LYZL2: variants seen among roughly 807,000 people sequenced by gnomAD.
The protein encoded by LYZL2 is lysozyme like 2, also known as lysozyme-like protein 2.
LYZL2 carries 13 observed loss-of-function variants against 17.1 expected under a neutral mutation model. That is an observed-to-expected ratio of 0.76 (90% CI 0.49 to 1.21). The LOEUF is 1.21. LYZL2 is among the 50% of genes most tolerant of loss of function. The probability of loss-of-function intolerance (pLI) is 0.00; values close to 1 mark genes in which losing one functional copy is unlikely to be tolerated. For synonymous variants in LYZL2, 63 were observed against 74.4 expected (o/e 0.85, Z 0.79); for missense variants, 166 against 189.2 (o/e 0.88, Z 0.72).
intron 3 of LYZL2, among the ~76,000 whole-genome samples, chr10:30,620,895 C>T (rs1399621571): frequency 6.6e-6 from 1 of 150,530 alleles, no homozygotes. Context: ...GACTTGAAGA[C>T]ATAATAATGG....
chr10:30,621,842 T>A (rs1838625325), intron 3 of LYZL2, among the ~76,000 whole-genome samples: 1 of 152,056 alleles, frequency 6.6e-6, no homozygotes, highest in Admixed American at 6.5e-5. Context: ...GAAATAATAA[T>A]GTGTAATAGA....
At chr10:30,616,923 GTAA>G (rs1838536862) in intron 3 of LYZL2, among the ~76,000 whole-genome samples, 1 of 57,582 alleles carries the variant, frequency 1.7e-5, no homozygotes, top group Admixed American at 1.5e-4. Context: ...AATTTTTCTA[GTAA>G]TTATTTACCT....
chr10:30,607,668 G>A (rs370385307), downstream of LYZL2, among the ~76,000 whole-genome samples: 119 of 152,188 alleles, frequency 7.8e-4, 1 homozygote, highest in South Asian at 0.011. Context: ...TGCCTTCCTG[G>A]CCCCTAAGGA....
At chr10:30,627,985 C>T (rs388018) in intron 1 of LYZL2, among the ~76,000 whole-genome samples, 55,184 of 151,972 alleles carry the variant, frequency 0.36, 10,351 homozygotes, top group African/African-American at 0.44. Context: ...CGGTGAAACC[C>T]CGTCTCTACT....
At chr10:30,621,154 A>G (rs936911873) in intron 3 of LYZL2, among the ~76,000 whole-genome samples, 1 of 152,250 alleles carries the variant, frequency 6.6e-6, no homozygotes, top group South Asian at 2.1e-4. Flanking sequence ...GAATTGCTGA[A>G]AATGAGTGAC....
chr10:30,626,355 C>G, intron 2 of LYZL2, 92 bp from the exon 3 acceptor site: 1 of 1,551,530 alleles, frequency 6.4e-7, no homozygotes, highest in Non-Finnish European at 8.7e-7. Context: ...TCCCTGTTAC[C>G]TGACTGCTTC....
chr10:30,612,257 G>T (rs1838457876), intron 4 of LYZL2, among the ~76,000 whole-genome samples: 2 of 152,186 alleles, frequency 1.3e-5, no homozygotes, highest in Admixed American at 1.3e-4. Context: ...GTAAGGATGG[G>T]TCATTCCATG....
chr10:30,611,702 A>AAGAAAGAAAGAAAG (rs1554784998), downstream of LYZL2: 13 of 391,820 alleles, frequency 3.3e-5, no homozygotes, highest in African/African-American at 3.2e-4. Flanking sequence ...GAAAGAAAGA[A>AAGAAAGAAAGAAAG]AAAGAAAGAA....
chr10:30,613,391 G>GGA (rs1838476956), intron 3 of LYZL2, among the ~76,000 whole-genome samples: 1 of 152,006 alleles, frequency 6.6e-6, no homozygotes, highest in Non-Finnish European at 1.5e-5. Flanking sequence ...CAGCTACTTG[G>GGA]GAGTCTGAGG....
At chr10:30,622,382 T>TA (rs138897190) in intron 3 of LYZL2, among the ~76,000 whole-genome samples, 14,661 of 151,216 alleles carry the variant, frequency 0.097, 905 homozygotes, top group African/African-American at 0.17. Context: ...CCATCTCTAC[T>TA]AAAAAAAATA....
Position 30,611,904 on chromosome 10 carries a change from C to A in LYZL2, c.*51G>T. Reference sequence around the variant, plus strand: ...AAGATGACACAGGCATTTGGACATTCACTGCAAACCCTAGGGCGTTGCTGC... The same window carrying A: ...AAGATGACACAGGCATTTGGACATTAACTGCAAACCCTAGGGCGTTGCTGC... On this transcript the variant is annotated 3_prime_UTR_variant, in exon 5 of 5. Coordinates refer to ENST00000647634, the MANE Select transcript of LYZL2 (RefSeq NM_183058.3). 1 of 1,612,988 alleles carries A rather than the reference C, an allele frequency of 6.2e-7. No homozygotes were observed.
intron 3 of LYZL2, among the ~76,000 whole-genome samples, chr10:30,615,249 G>A (rs1337626034): frequency 1.3e-5 from 2 of 152,194 alleles, no homozygotes; most frequent in African/African-American, 2.4e-5. Flanking sequence ...ATGGAAGAAC[G>A]GAAGGACGTC....
intron 4 of LYZL2, among the ~76,000 whole-genome samples, 168 bp from the exon 5 acceptor site, chr10:30,612,192 A>G (rs1030819131): frequency 1.3e-5 from 2 of 152,124 alleles, no homozygotes; most frequent in African/African-American, 4.8e-5. Context: ...TCAGACTTTG[A>G]TCTCCTGGTT....
chr10:30,623,301 A>AT (rs35984201), intron 3 of LYZL2, among the ~76,000 whole-genome samples: 5 of 151,976 alleles, frequency 3.3e-5, no homozygotes, highest in East Asian at 1.9e-4. Flanking sequence ...TAAAATACAC[A>AT]TTTTTTTTCC....
At chr10:30,627,225 A>G (rs1908257) in intron 1 of LYZL2, among the ~76,000 whole-genome samples, 8,342 of 142,908 alleles carry the variant, frequency 0.058, 231 homozygotes, top group Non-Finnish European at 0.067. Flanking sequence ...GAAAACCACA[A>G]GGGGCATTTT....
intron 3 of LYZL2, among the ~76,000 whole-genome samples, chr10:30,624,574 G>A (rs180790669): frequency 1.7e-4 from 26 of 152,266 alleles, no homozygotes; most frequent in South Asian, 8.3e-4. Flanking sequence ...TACCCAGTTT[G>A]CATTTGTTCT....
chr10:30,616,714 C>G (rs1042147259), intron 3 of LYZL2, among the ~76,000 whole-genome samples: 5 of 152,168 alleles, frequency 3.3e-5, no homozygotes, highest in Non-Finnish European at 7.3e-5. Flanking sequence ...CATTTTATCC[C>G]CATAAACCAA....
Position 30,612,020 on chromosome 10 carries a change from C to G in LYZL2, c.382G>C (p.Gly128Arg), listed in dbSNP as rs894906660. The G allele has an allele frequency of 2.5e-6, 4 of 1,614,026 alleles. No individual in the cohort carries two copies. In the African/African-American group the frequency reaches 4.0e-5, roughly 16 times the overall value. ...KETQGMNYWQ[G>R]WKKHCEGRDL... is the part of the protein sequence containing the mutation. ...CTCCCCTCACAGTGTTTCTTCCAGC[C>G]TTGCCTGAGGACGAGAGGGAAGCAA... Residue 128 changes from glycine (G) to arginine (R), a missense_variant, in exon 5 of 5, where the codon GGC becomes CGC. Gly to Arg is a moderately radical substitution (Grantham distance 125). Around this residue, in one of 2 missense-constraint regions of LYZL2, gnomAD observed 134 missense variants for 129.4 expected, o/e 1.04. Coordinates refer to ENST00000647634, the MANE Select transcript of LYZL2 (RefSeq NM_183058.3).
intron 3 of LYZL2, among the ~76,000 whole-genome samples, chr10:30,617,549 C>A (rs1278442050): frequency 6.6e-6 from 1 of 151,688 alleles, no homozygotes; most frequent in African/African-American, 2.4e-5. Context: ...GTGGCACACG[C>A]CTGTAATCCC....
Sources: gnomAD v4.1 joint callset for allele counts (sites outside exome capture counted in the v4.1 genomes callset) on GRCh38, gnomAD v4.1.1 for gene constraint, gnomAD v4.1.1 regional missense constraint, MANE v1.5 for transcripts, NCBI Gene and HGNC (gene_info 2026-07-23, HGNC 2026-07-21) for gene names.